Variants in IMMP2L observed in about 807,000 individuals in gnomAD.
The protein encoded by IMMP2L is mitochondrial inner membrane protease subunit 2.
Under a neutral mutation model 19.3 loss-of-function variants are expected in IMMP2L, and 18 were observed. The observed-to-expected ratio is 0.93, with a 90% CI of 0.64 to 1.38. The LOEUF (loss-of-function observed/expected upper bound fraction) is 1.38, where lower values mean the gene tolerates loss of function less well. Among genes scored for constraint, IMMP2L ranks in the 40% most tolerant of loss-of-function variants. The pLI, the probability that IMMP2L is intolerant of heterozygous loss-of-function variation, is 0.00. For missense variants in IMMP2L, 233 were observed against 218.2 expected, an observed-to-expected ratio of 1.07 and a Z score of -0.43; for synonymous variants, 76 against 73.0, an observed-to-expected ratio of 1.04 and a Z score of -0.21.
chr7:111,302,514 G>T (rs1822375025), intron 3 of IMMP2L, among the ~76,000 whole-genome samples: 1 of 152,130 alleles, frequency 6.6e-6, no homozygotes, highest in Non-Finnish European at 1.5e-5. Context: ...CTGTGTGTGT[G>T]TGTGCAGGCA....
At chr7:111,154,124 T>C (rs1446736101) in intron 3 of IMMP2L, among the ~76,000 whole-genome samples, 3 of 152,128 alleles carry the variant, frequency 2.0e-5, no homozygotes, top group African/African-American at 4.8e-5. Flanking sequence ...TCAATCTTGT[T>C]TCTTAGTTTA....
intron 3 of IMMP2L, among the ~76,000 whole-genome samples, chr7:110,972,817 C>G (rs1251557933): frequency 6.6e-6 from 1 of 152,092 alleles, no homozygotes; most frequent in Non-Finnish European, 1.5e-5. Flanking sequence ...AACACAGAAG[C>G]ACTGACTTGG....
At chr7:110,887,740 C>G (rs1810368771) in intron 4 of IMMP2L, among the ~76,000 whole-genome samples, 1 of 145,098 alleles carries the variant, frequency 6.9e-6, no homozygotes, top group African/African-American at 2.5e-5. Flanking sequence ...GCAGAGACTG[C>G]TTTTTTTTTT....
At chr7:110,719,578 T>C (rs181440347) in intron 5 of IMMP2L, among the ~76,000 whole-genome samples, 4 of 152,332 alleles carry the variant, frequency 2.6e-5, no homozygotes, top group South Asian at 2.1e-4. Flanking sequence ...ACTGTACAAA[T>C]TGGAAGTTCT....
At chr7:110,957,732 C>G (rs1394864667) in intron 4 of IMMP2L, among the ~76,000 whole-genome samples, 3 of 151,876 alleles carry the variant, frequency 2.0e-5, no homozygotes, top group African/African-American at 4.8e-5. Context: ...GGTTTGAACT[C>G]TCCTTTCCTC....
At chr7:111,209,440 T>C (rs1811081939) in intron 3 of IMMP2L, among the ~76,000 whole-genome samples, 1 of 151,588 alleles carries the variant, frequency 6.6e-6, no homozygotes, top group African/African-American at 2.4e-5. Context: ...AATTACGGAT[T>C]AAACTCAAAA....
At chr7:110,722,026 G>C (rs1795609258) in intron 5 of IMMP2L, among the ~76,000 whole-genome samples, 1 of 152,060 alleles carries the variant, frequency 6.6e-6, no homozygotes. Context: ...GACTGATGAA[G>C]GTTTAGTGAG....
intron 3 of IMMP2L, among the ~76,000 whole-genome samples, chr7:111,234,266 A>G (rs1814040503): frequency 6.6e-6 from 1 of 152,110 alleles, no homozygotes; most frequent in Admixed American, 6.6e-5. Context: ...ATTTAATTTC[A>G]TTAAACTCAG....
intron 3 of IMMP2L, among the ~76,000 whole-genome samples, chr7:111,378,175 A>T (rs191081381): frequency 6.6e-6 from 1 of 152,130 alleles, no homozygotes; most frequent in East Asian, 1.9e-4. Flanking sequence ...TAAAACAATT[A>T]TATGTCAGGA....
At chr7:110,736,697 T>C (rs1226879698) in intron 5 of IMMP2L, among the ~76,000 whole-genome samples, 81 of 152,186 alleles carry the variant, frequency 5.3e-4, no homozygotes, top group Non-Finnish European at 5.9e-5. Context: ...TTCCTTCCTA[T>C]TTCTCCCTTT....
intron 3 of IMMP2L, among the ~76,000 whole-genome samples, chr7:110,983,810 G>C (rs771049823): frequency 3.3e-5 from 5 of 151,744 alleles, no homozygotes; most frequent in Non-Finnish European, 7.4e-5. Context: ...GAAGAGAATG[G>C]GAAAAAGGCT....
At chr7:111,347,032 T>C (rs1827635600) in intron 3 of IMMP2L, among the ~76,000 whole-genome samples, 2 of 151,934 alleles carry the variant, frequency 1.3e-5, no homozygotes, top group African/African-American at 2.4e-5. Flanking sequence ...ATGTGATTGA[T>C]AAGGAGAAGA....
intron 5 of IMMP2L, among the ~76,000 whole-genome samples, chr7:110,770,899 C>T (rs1798988076): frequency 6.6e-6 from 1 of 152,102 alleles, no homozygotes; most frequent in Non-Finnish European, 1.5e-5. Context: ...ATGTAATTAA[C>T]ATGAACATTG....
intron 4 of IMMP2L, among the ~76,000 whole-genome samples, chr7:110,922,790 TA>T (rs1482355483): frequency 2.6e-5 from 4 of 152,136 alleles, no homozygotes; most frequent in African/African-American, 9.7e-5. Flanking sequence ...GCTTCAAATG[TA>T]TATCATGAGC....
chr7:110,903,361 T>C (rs1055715567), intron 4 of IMMP2L, among the ~76,000 whole-genome samples: 3 of 152,220 alleles, frequency 2.0e-5, no homozygotes, highest in African/African-American at 7.2e-5. Flanking sequence ...TTCTAGATCT[T>C]ATTCATCTTG....
At chr7:111,322,834 A>C (rs147639894) in intron 3 of IMMP2L, among the ~76,000 whole-genome samples, 2 of 151,914 alleles carry the variant, frequency 1.3e-5, no homozygotes, top group East Asian at 1.9e-4. Context: ...AAATACTTAC[A>C]TATTTTTTAA....
intron 5 of IMMP2L, among the ~76,000 whole-genome samples, chr7:110,690,601 G>A (rs1266312885): frequency 1.3e-5 from 2 of 151,910 alleles, no homozygotes; most frequent in East Asian, 1.9e-4. Flanking sequence ...AAATAAATTC[G>A]GGAAAGTCTC....
At position 110,886,574 on chromosome 7, in the gene IMMP2L, A is replaced by G. The variant is rs1184755291; in HGVS notation, c.408+19T>C. 3.7e-6 allele frequency: 5 copies of G among 1,345,286 alleles called. No homozygotes were observed. The South Asian group carries it at 4.7e-5, about 13-fold the overall frequency. 83.3% of individuals were successfully genotyped at this position (1,345,286 alleles called of 1,614,324 possible). ...TTTGAAATCCAATTACATCAACAAG[A>G]AGATAAAAGATGACTTACCGGCCCA... On this transcript the variant is annotated intron_variant, in intron 5 of 5. Transcript: ENST00000405709.
intron 3 of IMMP2L, among the ~76,000 whole-genome samples, chr7:111,165,336 G>C (rs1217036719): frequency 6.6e-6 from 1 of 151,936 alleles, no homozygotes; most frequent in Non-Finnish European, 1.5e-5. Context: ...ATGGATATTT[G>C]GGTTGCTTCT....
Sources: allele counts gnomAD v4.1 joint callset (sites outside exome capture counted in the v4.1 genomes callset), GRCh38; gene constraint gnomAD v4.1.1; transcripts MANE v1.5; gene names NCBI Gene and HGNC (gene_info 2026-07-23, HGNC 2026-07-21).